Variants in TKT observed in about 807,000 individuals in gnomAD.
The protein encoded by TKT is epididymis luminal protein 107.
In TKT, 47 loss-of-function variants were observed where a neutral mutation model predicts 63.9. The observed-to-expected ratio is 0.74, with a 90% confidence interval of 0.58 to 0.94. TKT has a LOEUF of 0.94. TKT is among the 40% of genes least tolerant of loss of function. The pLI, the probability that TKT is intolerant of heterozygous loss-of-function variation, is 0.00. For synonymous variants in TKT, 338 were observed against 334.1 expected (o/e 1.01, Z -0.13); for missense variants, 721 against 846.2 (o/e 0.85, Z 1.84).
In TKT at chr3:53,233,197, G is replaced by A. The variant is rs1553677596; in HGVS notation, c.707C>T (p.Thr236Ile). 6.2e-7 allele frequency: 1 copy of A among 1,613,974 alleles called. No individual in the cohort carries two copies. The highest frequency in any genetic ancestry group is 8.5e-7 in the Non-Finnish European group (1 of 1,179,932). Residue 236 changes from threonine (T) to isoleucine (I), a missense_variant, in exon 6 of 14, where the codon ACA (threonine) becomes ATA (isoleucine). Transcript: ENST00000462138. ...KAFGQAKHQP[T>I]AIIAKTFKGR... ...CTTGAAGGTCTTGGCAATGATGGCT[G>A]TTGGCTGGTGCTTGGCCTGGCCAAA...
chr3:53,226,622 A>C, intron 13 of TKT, 134 bp downstream of exon 13: 2 of 1,328,900 alleles, frequency 1.5e-6, no homozygotes, highest in South Asian at 1.3e-5. Context: ...ACCACGTCCC[A>C]GCTGCTCTGA....
At chr3:53,253,610 C>G (rs1705853835) in intron 1 of TKT, among the ~76,000 whole-genome samples, 1 of 152,174 alleles carries the variant, frequency 6.6e-6, no homozygotes, top group Admixed American at 6.5e-5. Context: ...ACTAAAAATA[C>G]AAAAATTAGC....
At chr3:53,243,817 G>A (rs980068919) in intron 1 of TKT, among the ~76,000 whole-genome samples, 7 of 152,194 alleles carry the variant, frequency 4.6e-5, no homozygotes, top group African/African-American at 1.7e-4. Flanking sequence ...CGGCCCTGAG[G>A]GGTCCTGTTT....
chr3:53,233,442 G>T, intron 5 of TKT, 168 bp from the exon 6 acceptor site: 1 of 503,122 alleles, frequency 2.0e-6, no homozygotes, highest in African/African-American at 2.0e-5. Context: ...TTTCCAGTTT[G>T]GGTTTTTTAA....
At chr3:53,242,522 G>C (rs529020047) in intron 1 of TKT, among the ~76,000 whole-genome samples, 1 of 152,254 alleles carries the variant, frequency 6.6e-6, no homozygotes, top group African/African-American at 2.4e-5. Context: ...AAAATATCTG[G>C]GGTTGGACTT....
chr3:53,227,758 A>G, intron 12 of TKT: 1 of 336,828 alleles, frequency 3.0e-6, no homozygotes, highest in Non-Finnish European at 5.5e-6. Flanking sequence ...TGGCTGAGTG[A>G]TTCCAGCCCA....
intron 1 of TKT, among the ~76,000 whole-genome samples, chr3:53,252,672 T>C (rs9850440): frequency 0.25 from 38,149 of 152,042 alleles, 5,304 homozygotes; most frequent in African/African-American, 0.36. Context: ...AACAAAGAAC[T>C]AGGAGACACA....
At chr3:53,246,430 C>T (rs1017352856) in intron 1 of TKT, among the ~76,000 whole-genome samples, 3 of 152,088 alleles carry the variant, frequency 2.0e-5, no homozygotes, top group Non-Finnish European at 2.9e-5. Context: ...TAAGAATGAG[C>T]GAGCTACACT....
intron 5 of TKT, 150 bp from the exon 6 acceptor site, chr3:53,233,424 C>A: frequency 1.9e-6 from 1 of 514,030 alleles, no homozygotes; most frequent in Non-Finnish European, 3.4e-6. Context: ...AAGCTTGCAA[C>A]ATTCCTGTTT....
At chr3:53,243,665 T>C in intron 1 of TKT, 2 of 455,626 alleles carry the variant, frequency 4.4e-6, no homozygotes, top group Non-Finnish European at 8.8e-6. Flanking sequence ...GAAACCCTTT[T>C]CTGCCTGGCA....
intron 4 of TKT, among the ~76,000 whole-genome samples, chr3:53,237,028 A>T: frequency 6.6e-6 from 1 of 152,250 alleles, no homozygotes; most frequent in Non-Finnish European, 1.5e-5. Flanking sequence ...GTGTCCAACA[A>T]CAAAGGACTG....
rs1704641975 is a variant in TKT, at chr3:53,229,357, G to A, written c.1187C>T (p.Ala396Val). 1.2e-6 allele frequency: 2 copies of A among 1,613,834 alleles called. No individual in the cohort carries two copies. The highest frequency in any genetic ancestry group is 2.2e-5 in the East Asian group (1 of 44,862). ...CSTFAAFFTR[A>V]FDQIRMAAIS... is the part of the protein sequence containing the mutation. Reference sequence around the variant, plus strand: ...GGCGGCCATGCGAATCTGGTCAAAGGCCCGCGTGAAGAAGGCTGCAAAAGT... The same window carrying A: ...GGCGGCCATGCGAATCTGGTCAAAGACCCGCGTGAAGAAGGCTGCAAAAGT... Residue 396 changes from alanine to valine, a missense_variant, in exon 9 of 14, where the codon GCC becomes GTC. Transcript: ENST00000462138.
chr3:53,242,333 G>T, intron 1 of TKT, 91 bp from the exon 2 acceptor site: 1 of 1,223,500 alleles, frequency 8.2e-7, no homozygotes, highest in Non-Finnish European at 1.2e-6. Context: ...GGGGGTGCAT[G>T]TCCTGAGGAG....
chr3:53,228,761 C>A lies in TKT; in HGVS notation c.1395+246G>T. 6.8e-6 allele frequency: 4 copies of A among 587,794 alleles called. No individual in the cohort carries two copies. The South Asian group carries it at 7.9e-5, about 12-fold the overall frequency. 36.4% of individuals were successfully genotyped at this position (587,794 alleles called of 1,614,324 possible). ...GGGTGGAGAGGTGTCAACCGCTGGA[C>A]CGGCCAGGGCTGCCAGGATTCTCAG... On this transcript the variant is annotated intron_variant, in intron 10 of 13. Coordinates refer to ENST00000462138, the MANE Select transcript of TKT (RefSeq NM_001064.4).
At chr3:53,255,091 T>C (rs1461595162) in intron 1 of TKT, among the ~76,000 whole-genome samples, 1 of 152,156 alleles carries the variant, frequency 6.6e-6, no homozygotes, top group Non-Finnish European at 1.5e-5. Flanking sequence ...TAGACCTCCT[T>C]TTCACAATGG....
At chr3:53,243,460 C>T (rs7356056) in intron 1 of TKT, 80,737 of 389,462 alleles carry the variant, frequency 0.21, 9,954 homozygotes, top group African/African-American at 0.41. Context: ...CTCCAATCAG[C>T]GCTCCCACCA....
At chr3:53,255,172 G>A (rs1159014098) in intron 1 of TKT, among the ~76,000 whole-genome samples, 1 of 152,224 alleles carries the variant, frequency 6.6e-6, no homozygotes, top group Non-Finnish European at 1.5e-5. Context: ...GCCGCTGCCT[G>A]GCGTCTCAGC....
intron 3 of TKT, 145 bp from the exon 4 acceptor site, chr3:53,240,493 C>T (rs888046022): frequency 1.4e-5 from 9 of 628,886 alleles, no homozygotes; most frequent in Non-Finnish European, 2.2e-5. Flanking sequence ...TAGCATGTGA[C>T]TTCTTCTCCT....
chr3:53,236,490 C>T (rs1575565703), intron 4 of TKT, among the ~76,000 whole-genome samples: 1 of 152,326 alleles, frequency 6.6e-6, no homozygotes, highest in Middle Eastern at 3.4e-3. Flanking sequence ...CTCAGGCCCA[C>T]ACTTCAGAGG....
Sources: allele counts gnomAD v4.1 joint callset (sites outside exome capture counted in the v4.1 genomes callset), GRCh38; gene constraint gnomAD v4.1.1; transcripts MANE v1.5; gene names NCBI Gene and HGNC (gene_info 2026-07-23, HGNC 2026-07-21).